Variants in CBLC observed in about 807,000 individuals in gnomAD.
CBLC encodes the protein Cbl proto-oncogene C, also known as E3 ubiquitin-protein ligase CBL-C.
In CBLC, 46 loss-of-function variants were observed where a neutral mutation model predicts 58.6. That is an observed-to-expected ratio of 0.79 (90% CI 0.62 to 1.00). CBLC has a LOEUF of 1.00. Ranked by LOEUF, CBLC falls within the 50% of genes least tolerant of loss-of-function variation. The pLI is 0.00. For missense variants in CBLC, 655 were observed against 625.8 expected, an observed-to-expected ratio of 1.05 and a Z score of -0.50; for synonymous variants, 271 against 264.2, an observed-to-expected ratio of 1.03 and a Z score of -0.25.
rs550031546 is a variant in CBLC, at chr19:44,780,618, G to A, written c.354-287G>A. ...CTCCTGAGTAGCTGGGATTATAGGC[G>A]GGCGCCACCACGCCAGGCTAATTTT... On this transcript the variant is annotated intron_variant, in intron 1 of 10. Transcript: ENST00000647358. 1.5e-3 allele frequency among the ~76,000 whole-genome samples: 228 copies of A among 150,824 alleles called. 1 individual carries two copies. Among genetic ancestry groups the A allele is most frequent in the East Asian group, 0.013 (66 of 5,088 alleles).
Position 44,789,953 on chromosome 19 carries a change from G to A in CBLC, c.918-51G>A, listed in dbSNP as rs368506315. ...GGGTAAAGGTACTTGTTCATCTGGG[G>A]GTGGGAAATACTGGATGGCCCCCCA... On this transcript the variant is annotated intron_variant, in intron 5 of 10. Transcript: ENST00000647358. 239 of 1,167,552 alleles carry A rather than the reference G, an allele frequency of 2.0e-4. 2 individuals are homozygous for A. The South Asian group carries it at 2.7e-3, about 13-fold the overall frequency. 72.3% of individuals were successfully genotyped at this position (1,167,552 alleles called of 1,614,324 possible).
In CBLC at chr19:44,782,339, G is replaced by A. The variant is rs200548357; in HGVS notation, c.658-31G>A. On this transcript the variant is annotated intron_variant, in intron 3 of 10. Transcript: ENST00000647358. ...AGGGATGTGAGCTGCTTCCCTGGTC[G>A]CTCCCTGACCCAAGCCCTGCCCCAC... is the stretch of plus-strand genomic sequence containing the variant. 2.3e-4 allele frequency: 367 copies of A among 1,612,086 alleles called. 1 individual carries two copies. The East Asian group carries it at 3.9e-3, about 17-fold the overall frequency.
chr19:44,790,206 T>C (rs923506369), intron 6 of CBLC, 115 bp downstream of exon 6: 35 of 774,686 alleles, frequency 4.5e-5, no homozygotes, highest in Non-Finnish European at 7.5e-5. Flanking sequence ...TGACCTTGGG[T>C]AAATCACTTG....
intron 9 of CBLC, among the ~76,000 whole-genome samples, chr19:44,798,939 C>G (rs948683171): frequency 6.6e-6 from 1 of 152,136 alleles, no homozygotes; most frequent in Non-Finnish European, 1.5e-5. Context: ...TCCACTCACT[C>G]GGAGCCTCTG....
intron 2 of CBLC, 27 bp downstream of exon 2, chr19:44,781,078 C>T (rs201056899): frequency 9.4e-6 from 15 of 1,603,090 alleles, no homozygotes; most frequent in Middle Eastern, 2.1e-4. Flanking sequence ...CCTCAGCTCC[C>T]GGAGCCCCAT....
chr19:44,794,304 G>A (rs775349494), intron 9 of CBLC, 23 bp downstream of exon 9: 19 of 1,610,404 alleles, frequency 1.2e-5, no homozygotes, highest in Non-Finnish European at 1.6e-5. Context: ...CTGGTCTGAG[G>A]TTGGGGGCTG....
chr19:44,797,794 G>A (rs952311435), intron 9 of CBLC, among the ~76,000 whole-genome samples: 1 of 151,672 alleles, frequency 6.6e-6, no homozygotes, highest in Non-Finnish European at 1.5e-5. Flanking sequence ...AGGCTGGAGT[G>A]CAGTGGTACA....
At chr19:44,781,564 TGG>T (rs1381521940) in intron 3 of CBLC, among the ~76,000 whole-genome samples, 1 of 18,500 alleles carries the variant, frequency 5.4e-5, no homozygotes, top group African/African-American at 2.0e-4. Context: ...GAGGAGGGGC[TGG>T]GGGCCTGGAC....
chr19:44,792,527 C>T lies in CBLC; in HGVS notation c.1137+13C>T. The T allele has an allele frequency of 1.3e-6, 2 of 1,571,248 alleles. No individual in the cohort carries two copies. The highest frequency in any genetic ancestry group is 1.7e-6 in the Non-Finnish European group (2 of 1,162,512). ...GGCTGCCTGGCAGGTGGGTCTGACC[C>T]CTGTGGCGCCTTCCCCTCTGGTCTC... On this transcript the variant is annotated intron_variant, in intron 7 of 10. Transcript: ENST00000647358.
chr19:44,799,787 GAAAA>G (rs945563963), intron 9 of CBLC, among the ~76,000 whole-genome samples: 4 of 142,968 alleles, frequency 2.8e-5, no homozygotes, highest in East Asian at 2.0e-4. Flanking sequence ...GAGGGAAAGA[GAAAA>G]AAGAAAGAAG....
chr19:44,794,525 C>T lies in CBLC; in HGVS notation c.1362+244C>T, dbSNP rs551951807. On this transcript the variant is annotated intron_variant, in intron 9 of 10. Coordinates refer to ENST00000647358, the MANE Select transcript of CBLC (RefSeq NM_012116.4). ...TGTCGCTCAGGCTGGAGTGCAGTGG[C>T]GCAATCTTGGCTCACTGCAACCTCC... Among the ~76,000 whole-genome samples, 320 of 135,496 alleles carry T rather than the reference C, an allele frequency of 2.4e-3. 1 individual carries two copies. The highest frequency in any genetic ancestry group is 8.4e-3 in the African/African-American group (290 of 34,710). The allele number at this position is 135,496 out of a possible 152,430, so 88.9% of individuals were successfully genotyped here. A position where few individuals can be genotyped will look rare whatever the true frequency, so the allele number is the denominator to read the frequency against.
intron 9 of CBLC, among the ~76,000 whole-genome samples, chr19:44,799,175 G>T (rs984730550): frequency 5.3e-5 from 8 of 152,204 alleles, no homozygotes; most frequent in African/African-American, 1.9e-4. Flanking sequence ...TTCTCAGAGC[G>T]AAAAACAGGG....
At chr19:44,789,104 C>G (rs1967982064) in intron 5 of CBLC, among the ~76,000 whole-genome samples, 1 of 152,098 alleles carries the variant, frequency 6.6e-6, no homozygotes, top group Non-Finnish European at 1.5e-5. Flanking sequence ...CAGGGGGAGA[C>G]CCAGGGAGCC....
chr19:44,783,763 C>T (rs1967811414), intron 4 of CBLC, among the ~76,000 whole-genome samples: 1 of 152,188 alleles, frequency 6.6e-6, no homozygotes, highest in Admixed American at 6.6e-5. Flanking sequence ...TGGCTACTGT[C>T]AGGAATCAGT....
chr19:44,796,374 GTTTC>G (rs1372141276), intron 9 of CBLC, among the ~76,000 whole-genome samples: 6 of 152,048 alleles, frequency 3.9e-5, no homozygotes, highest in Non-Finnish European at 7.4e-5. Flanking sequence ...TTTTTTTGTT[GTTTC>G]TTTGTTTGTT....
At chr19:44,785,074 C>T (rs751379840) in intron 5 of CBLC, among the ~76,000 whole-genome samples, 7 of 142,500 alleles carry the variant, frequency 4.9e-5, no homozygotes, top group Non-Finnish European at 9.0e-5. Flanking sequence ...CAGATTCAAG[C>T]GATTCTCCTG....
chr19:44,800,463 C>G lies in CBLC; in HGVS notation c.*7+13C>G. 1 of 1,573,870 alleles carries G rather than the reference C, an allele frequency of 6.4e-7. No individual in the cohort carries two copies. Among genetic ancestry groups the G allele is most frequent in the Non-Finnish European group, 8.7e-7 (1 of 1,144,942 alleles). ...GCCTGAAGGCCAGGTGAGTCCATTC[C>G]CTAACCCTCCCTGGCCCACTCCACC... On this transcript the variant is annotated intron_variant, in intron 10 of 10. Coordinates refer to ENST00000647358, the MANE Select transcript of CBLC (RefSeq NM_012116.4).
At chr19:44,782,827 G>A (rs1279632618) in intron 4 of CBLC, among the ~76,000 whole-genome samples, 1 of 152,128 alleles carries the variant, frequency 6.6e-6, no homozygotes, top group Non-Finnish European at 1.5e-5. Flanking sequence ...TTTCCCACCT[G>A]TTGGCATAGG....
chr19:44,779,553 C>CTTTTTTTTTTTT (rs774514447), intron 1 of CBLC, among the ~76,000 whole-genome samples: 16 of 137,288 alleles, frequency 1.2e-4, no homozygotes, highest in African/African-American at 4.5e-4. Flanking sequence ...TGTAGTGTCT[C>CTTTTTTTTTTTT]TTTTTTTTTT....
Sources: gnomAD v4.1 joint callset for allele counts (sites outside exome capture counted in the v4.1 genomes callset) on GRCh38, gnomAD v4.1.1 for gene constraint, MANE v1.5 for transcripts, NCBI Gene and HGNC (gene_info 2026-07-23, HGNC 2026-07-21) for gene names.